The following ARHGAP15 variants were observed in gnomAD, a reference collection of about 807,000 sequenced individuals.
ARHGAP15 encodes the protein Rho GTPase activating protein 15, also known as rho GTPase-activating protein 15.
Under a neutral mutation model 63.7 loss-of-function variants are expected in ARHGAP15, and 51 were observed. That is an observed-to-expected ratio of 0.80 (90% CI 0.64 to 1.01). The LOEUF is 1.01. Ranked by LOEUF, ARHGAP15 falls within the 50% of genes least tolerant of loss-of-function variation. The pLI is 0.00. For synonymous variants in ARHGAP15, 191 were observed against 193.8 expected (o/e 0.99, Z 0.12); for missense variants, 560 against 564.6 (o/e 0.99, Z 0.08).
intron 6 of ARHGAP15, among the ~76,000 whole-genome samples, chr2:143,261,938 C>A (rs925814276): frequency 6.6e-6 from 1 of 152,122 alleles, no homozygotes; most frequent in African/African-American, 2.4e-5. Flanking sequence ...TGTTCATTAG[C>A]TCCTGAGCCT....
intron 12 of ARHGAP15, among the ~76,000 whole-genome samples, chr2:143,640,457 G>A (rs1246797554): frequency 6.6e-6 from 1 of 151,996 alleles, no homozygotes; most frequent in African/African-American, 2.4e-5. Context: ...AGGACTAGGT[G>A]GACTCTAGTA....
At chr2:143,551,589 CAAAA>C (rs958714427) in intron 10 of ARHGAP15, among the ~76,000 whole-genome samples, 1 of 150,812 alleles carries the variant, frequency 6.6e-6, no homozygotes, top group Non-Finnish European at 1.5e-5. Context: ...GGAAATATAG[CAAAA>C]AAAACTATAT....
Position 143,683,887 on chromosome 2 carries a change from G to T in ARHGAP15, c.1139-19532G>T, listed in dbSNP as rs189356583. Among the ~76,000 whole-genome samples, 103 of 152,220 alleles carry T rather than the reference G, an allele frequency of 6.8e-4. 1 individual carries two copies. Among genetic ancestry groups the T allele is most frequent in the Non-Finnish European group, 1.3e-3 (90 of 68,014 alleles). On this transcript the variant is annotated intron_variant, in intron 12 of 13. Transcript: ENST00000295095. ...TTAATCACAACCTGCAAGGGTATTTGCATGTTGCTGATATTTGTCTTGATG... is the reference window on the plus strand; with the variant it reads ...TTAATCACAACCTGCAAGGGTATTTTCATGTTGCTGATATTTGTCTTGATG...
At chr2:143,310,996 T>C (rs1215829684) in intron 6 of ARHGAP15, among the ~76,000 whole-genome samples, 3 of 152,060 alleles carry the variant, frequency 2.0e-5, no homozygotes, top group Non-Finnish European at 4.4e-5. Context: ...CCCAGTCTGT[T>C]TCAAATAGAA....
intron 6 of ARHGAP15, among the ~76,000 whole-genome samples, chr2:143,295,034 T>C (rs1399077595): frequency 2.6e-5 from 4 of 152,066 alleles, no homozygotes; most frequent in African/African-American, 9.7e-5. Context: ...AAATTATTTT[T>C]AGTAGCCCCA....
chr2:143,248,821 A>G (rs1694152104), intron 5 of ARHGAP15, among the ~76,000 whole-genome samples: 1 of 152,202 alleles, frequency 6.6e-6, no homozygotes. Context: ...CACTAAACGA[A>G]TTATCAATAA....
rs779149726 is a variant in ARHGAP15 at position 143,202,163 on chromosome 2, G to A, written c.195G>A (p.Gln65=). 1.7e-5 allele frequency: 27 copies of A among 1,612,136 alleles called. No homozygotes were observed. Among genetic ancestry groups the A allele is most frequent in the Admixed American group, 8.4e-5 (5 of 59,856 alleles). Residue 65 remains glutamine (Q), a synonymous_variant, in exon 3 of 14, where the codon CAG becomes CAA. Transcript: ENST00000295095. ...PISRHRRNHS[Q]HILKDVIPPL... ...CCAGACACAGAAGGAATCATTCACAGCATATCTTGAAAGATGTCATTCCTC... is the reference window on the plus strand; with the variant it reads ...CCAGACACAGAAGGAATCATTCACAACATATCTTGAAAGATGTCATTCCTC...
At chr2:143,407,761 AT>A (rs1688264548) in intron 6 of ARHGAP15, among the ~76,000 whole-genome samples, 1 of 150,868 alleles carries the variant, frequency 6.6e-6, no homozygotes, top group Non-Finnish European at 1.5e-5. Context: ...GTGTATTTTA[AT>A]TTTTGGTATA....
At chr2:143,665,871 G>A (rs1284163871) in intron 12 of ARHGAP15, among the ~76,000 whole-genome samples, 2 of 145,344 alleles carry the variant, frequency 1.4e-5, no homozygotes. Context: ...GGGATGTGAA[G>A]GACCTCTTCA....
intron 8 of ARHGAP15, among the ~76,000 whole-genome samples, chr2:143,468,251 A>G (rs890681729): frequency 2.0e-5 from 3 of 151,910 alleles, no homozygotes; most frequent in Non-Finnish European, 4.4e-5. Flanking sequence ...TATTCTTAAT[A>G]TTAAAATGGA....
intron 11 of ARHGAP15, among the ~76,000 whole-genome samples, chr2:143,574,498 AAAT>A (rs769170191): frequency 6.6e-5 from 10 of 151,912 alleles, no homozygotes; most frequent in African/African-American, 9.7e-5. Context: ...TAAAATTAAA[AAAT>A]AATAATAAAA....
At chr2:143,137,833 G>C (rs1689207812) in intron 1 of ARHGAP15, among the ~76,000 whole-genome samples, 2 of 152,030 alleles carry the variant, frequency 1.3e-5, no homozygotes, top group South Asian at 4.1e-4. Context: ...TTCTGCTTTA[G>C]TTAATTTCAT....
chr2:143,217,427 T>C (rs1692798527), intron 4 of ARHGAP15, among the ~76,000 whole-genome samples: 1 of 152,224 alleles, frequency 6.6e-6, no homozygotes, highest in African/African-American at 2.4e-5. Flanking sequence ...TTTCTCTCCA[T>C]ATTGTGTCTT....
intron 6 of ARHGAP15, among the ~76,000 whole-genome samples, chr2:143,353,077 G>C (rs1323137198): frequency 6.6e-6 from 1 of 151,690 alleles, no homozygotes; most frequent in Non-Finnish European, 1.5e-5. Context: ...TTTTTTTTCA[G>C]GAAAAGAATA....
intron 6 of ARHGAP15, among the ~76,000 whole-genome samples, chr2:143,401,167 C>T (rs1687972429): frequency 6.6e-6 from 1 of 151,854 alleles, no homozygotes; most frequent in Non-Finnish European, 1.5e-5. Context: ...TGCTGGAAAG[C>T]AGGATTAATA....
intron 11 of ARHGAP15, among the ~76,000 whole-genome samples, chr2:143,623,769 A>G (rs1349778100): frequency 2.6e-5 from 4 of 152,272 alleles, no homozygotes; most frequent in East Asian, 1.9e-4. Flanking sequence ...TGAGCCGGCC[A>G]TCATTGGCAA....
At chr2:143,754,172 T>G (rs1184252456) in intron 13 of ARHGAP15, among the ~76,000 whole-genome samples, 2 of 152,158 alleles carry the variant, frequency 1.3e-5, no homozygotes, top group East Asian at 3.8e-4. Flanking sequence ...GCCGAAGCAT[T>G]TGGTGGAGGG....
At chr2:143,585,407 T>C (rs4662342) in intron 11 of ARHGAP15, among the ~76,000 whole-genome samples, 47,453 of 152,018 alleles carry the variant, frequency 0.31, 8,182 homozygotes, top group East Asian at 0.42. Flanking sequence ...TACATAAATA[T>C]ACACATAAAT....
intron 8 of ARHGAP15, among the ~76,000 whole-genome samples, chr2:143,463,854 C>G (rs1691079013): frequency 6.6e-6 from 1 of 152,148 alleles, no homozygotes; most frequent in African/African-American, 2.4e-5. Flanking sequence ...TTCACCCTAG[C>G]TAGGTTGACA....
Sources: allele counts gnomAD v4.1 joint callset (sites outside exome capture counted in the v4.1 genomes callset), GRCh38; gene constraint gnomAD v4.1.1; transcripts MANE v1.5; gene names NCBI Gene and HGNC (gene_info 2026-07-23, HGNC 2026-07-21).